The following SHISA9 variants were observed in gnomAD, a reference collection of about 807,000 sequenced individuals.
SHISA9 encodes shisa family member 9.
A neutral mutation model predicts 38.0 loss-of-function variants in SHISA9; 13 were observed. The observed-to-expected ratio is 0.34, with a 90% CI of 0.22 to 0.54. The LOEUF is 0.54. Among genes scored for constraint, SHISA9 ranks in the 20% least tolerant of loss-of-function variants. SHISA9 has a pLI of 0.91. For missense variants in SHISA9, 538 were observed against 575.8 expected (o/e 0.93, Z 0.67); for synonymous variants, 275 against 242.0 (o/e 1.14, Z -1.27).
intron 2 of SHISA9, among the ~76,000 whole-genome samples, chr16:13,000,065 A>C (rs2072505010): frequency 6.6e-6 from 1 of 152,212 alleles, no homozygotes; most frequent in Admixed American, 6.5e-5. Flanking sequence ...TATCACTATA[A>C]GTCTTTTTTA....
At chr16:13,167,818 T>C (rs1012187482) in intron 2 of SHISA9, among the ~76,000 whole-genome samples, 20 of 152,216 alleles carry the variant, frequency 1.3e-4, no homozygotes, top group African/African-American at 4.6e-4. Context: ...AAACCTCTTT[T>C]CTTTATAAAT....
At chr16:13,380,236 A>G in the SHISA9 span, among the ~76,000 whole-genome samples, 1 of 152,202 alleles carries the variant, frequency 6.6e-6, no homozygotes, top group South Asian at 2.1e-4. Flanking sequence ...GGGTTTGAAA[A>G]ATATTATTTT....
chr16:13,247,437 G>A, the SHISA9 span, among the ~76,000 whole-genome samples: 1 of 152,182 alleles, frequency 6.6e-6, no homozygotes, highest in Non-Finnish European at 1.5e-5. Flanking sequence ...GGAACTGAGA[G>A]GTTAAATGTC....
At chr16:13,140,209 C>T (rs985130898) in intron 2 of SHISA9, among the ~76,000 whole-genome samples, 1 of 140,418 alleles carries the variant, frequency 7.1e-6, no homozygotes, top group African/African-American at 2.7e-5. Context: ...CAGAGTCTTG[C>T]TCTGTTACCC....
intron 2 of SHISA9, among the ~76,000 whole-genome samples, chr16:13,004,943 G>GAAAAAAAAAAAAAAAAAAAAAAAAAAA (rs59694628): frequency 1.9e-5 from 2 of 103,754 alleles, no homozygotes; most frequent in African/African-American, 3.7e-5. Flanking sequence ...TTAAGAAAAA[G>GAAAAAAAAAAAAAAAAAAAAAAAAAAA]AAAAAAAAAA....
At chr16:13,327,078 A>C in the SHISA9 span, among the ~76,000 whole-genome samples, 1 of 152,168 alleles carries the variant, frequency 6.6e-6, no homozygotes, top group Non-Finnish European at 1.5e-5. Flanking sequence ...CATTGTGTTT[A>C]CCAATTTTTA....
the SHISA9 span, among the ~76,000 whole-genome samples, chr16:13,253,014 T>A: frequency 6.6e-6 from 1 of 152,210 alleles, no homozygotes; most frequent in Admixed American, 6.5e-5. Flanking sequence ...ACGATGAGGA[T>A]GAAGACCTTC....
the SHISA9 span, among the ~76,000 whole-genome samples, chr16:13,308,856 G>C: frequency 7.6e-4 from 115 of 152,278 alleles, no homozygotes; most frequent in African/African-American, 2.5e-3. Context: ...CATAAAATAA[G>C]TTTTATGTGG....
chr16:13,099,422 G>A (rs1342305123), intron 2 of SHISA9, among the ~76,000 whole-genome samples: 1 of 152,276 alleles, frequency 6.6e-6, no homozygotes, highest in Non-Finnish European at 1.5e-5. Context: ...CAAGGGTGGG[G>A]GACAAAGAAT....
the SHISA9 span, among the ~76,000 whole-genome samples, chr16:13,547,292 T>C: frequency 6.6e-6 from 1 of 152,108 alleles, no homozygotes; most frequent in Admixed American, 6.6e-5. Context: ...TATCAGTGGG[T>C]TTTTTTCTAG....
chr16:13,275,743 G>C, the SHISA9 span, among the ~76,000 whole-genome samples: 1 of 151,716 alleles, frequency 6.6e-6, no homozygotes, highest in African/African-American at 2.4e-5. Flanking sequence ...ATTTTTAATA[G>C]AAAATTTAAT....
At chr16:13,026,641 CCTCTATAT>C (rs1449531261) in intron 2 of SHISA9, among the ~76,000 whole-genome samples, 140 of 152,118 alleles carry the variant, frequency 9.2e-4, no homozygotes, top group African/African-American at 3.1e-3. Flanking sequence ...TTTTGAGAAA[CCTCTATAT>C]TGTGTTTCAC....
At chr16:12,984,447 G>T (rs2072281001) in intron 2 of SHISA9, among the ~76,000 whole-genome samples, 2 of 152,148 alleles carry the variant, frequency 1.3e-5, no homozygotes, top group Non-Finnish European at 2.9e-5. Context: ...TGTGAATAAA[G>T]CTGAATATCC....
At chr16:13,454,442 T>C in the SHISA9 span, among the ~76,000 whole-genome samples, 3 of 152,222 alleles carry the variant, frequency 2.0e-5, no homozygotes, top group African/African-American at 7.2e-5. Context: ...TTAAATATCG[T>C]AATAGAAAGT....
At chr16:13,108,448 G>C (rs2073947574) in intron 2 of SHISA9, among the ~76,000 whole-genome samples, 1 of 151,992 alleles carries the variant, frequency 6.6e-6, no homozygotes, top group African/African-American at 2.4e-5. Flanking sequence ...GAAGTTTTTG[G>C]AGTCTTGGGG....
At chr16:13,528,690 C>T in the SHISA9 span, among the ~76,000 whole-genome samples, 4 of 152,204 alleles carry the variant, frequency 2.6e-5, no homozygotes, top group Non-Finnish European at 5.9e-5. Flanking sequence ...GCCATGTCCC[C>T]TGTTCCAGCA....
chr16:13,228,601 G>A (rs901452315), intron 4 of SHISA9, among the ~76,000 whole-genome samples: 2 of 152,170 alleles, frequency 1.3e-5, no homozygotes, highest in African/African-American at 4.8e-5. Flanking sequence ...GGGCGAGTGA[G>A]ATTTTTCAGT....
the SHISA9 span, among the ~76,000 whole-genome samples, chr16:13,357,201 T>C: frequency 3.3e-5 from 5 of 152,140 alleles, no homozygotes; most frequent in Non-Finnish European, 7.4e-5. Flanking sequence ...ACTGGGGGGT[T>C]CTTGCCCCCT....
the SHISA9 span, among the ~76,000 whole-genome samples, chr16:13,285,408 G>A: frequency 7.6e-4 from 108 of 142,210 alleles, no homozygotes; most frequent in Non-Finnish European, 1.2e-3. Context: ...CAAATTTCAT[G>A]TTCTCTTGGC....
Sources: gnomAD v4.1 joint callset for allele counts (sites outside exome capture counted in the v4.1 genomes callset) on GRCh38, gnomAD v4.1.1 for gene constraint, MANE v1.5 for transcripts, NCBI Gene and HGNC (gene_info 2026-07-23, HGNC 2026-07-21) for gene names.